The following CCDC15 variants were observed in gnomAD, a reference collection of about 807,000 sequenced individuals.
CCDC15 encodes the protein coiled-coil domain-containing protein 15.
CCDC15 carries 105 observed loss-of-function variants against 114.5 expected under a neutral mutation model. That is an observed-to-expected ratio of 0.92 (90% CI 0.78 to 1.08). The LOEUF is 1.08. Ranked by LOEUF, CCDC15 falls within the 50% of genes least tolerant of loss-of-function variation. The probability of loss-of-function intolerance (pLI) is 0.00; values close to 1 mark genes in which losing one functional copy is unlikely to be tolerated. For synonymous variants in CCDC15, 334 were observed against 377.8 expected (o/e 0.88, Z 1.34); for missense variants, 1,105 against 1,093.6 (o/e 1.01, Z -0.15).
At chr11:124,977,652 C>A in intron 6 of CCDC15, 52 bp downstream of exon 6, 2 of 1,542,492 alleles carry the variant, frequency 1.3e-6, no homozygotes, top group Non-Finnish European at 1.7e-6. Context: ...TTAGAAGTAT[C>A]CACAGCTAAC....
At chr11:125,007,833 G>A (rs952515334) in intron 13 of CCDC15, among the ~76,000 whole-genome samples, 2 of 152,152 alleles carry the variant, frequency 1.3e-5, no homozygotes, top group East Asian at 3.9e-4. Context: ...CCAGGCACCC[G>A]GATGACAAGC....
intron 13 of CCDC15, among the ~76,000 whole-genome samples, chr11:125,023,197 AT>A (rs1359329973): frequency 6.6e-6 from 1 of 151,840 alleles, no homozygotes; most frequent in African/African-American, 2.4e-5. Flanking sequence ...TGTGAGGCTT[AT>A]TTTTTTGTAC....
chr11:125,038,175 C>T (rs1948788763), intron 13 of CCDC15: 2 of 235,192 alleles, frequency 8.5e-6, no homozygotes, highest in Non-Finnish European at 1.6e-5. Flanking sequence ...CTGCTTCGGC[C>T]TCTCAGAGTG....
At chr11:125,036,271 T>C (rs1948773691) in intron 13 of CCDC15, among the ~76,000 whole-genome samples, 1 of 115,254 alleles carries the variant, frequency 8.7e-6, no homozygotes, top group African/African-American at 3.6e-5. Context: ...AAAAGTTCTT[T>C]TTCCTTTGGC....
intron 6 of CCDC15, among the ~76,000 whole-genome samples, chr11:124,986,539 A>G (rs1948158704): frequency 2.6e-5 from 4 of 152,164 alleles, no homozygotes; most frequent in Admixed American, 1.3e-4. Context: ...TTTTCATTAT[A>G]CAGTCCTGCA....
intron 13 of CCDC15, among the ~76,000 whole-genome samples, chr11:125,019,280 A>G (rs879604504): frequency 2.0e-5 from 3 of 152,044 alleles, no homozygotes; most frequent in Non-Finnish European, 2.9e-5. Flanking sequence ...TAATGGATAA[A>G]GTAGTCCTGC....
intron 3 of CCDC15, 90 bp from the exon 4 acceptor site, chr11:124,959,725 T>TTAAAAAAATA: frequency 1.9e-5 from 5 of 264,116 alleles, no homozygotes; most frequent in East Asian, 9.0e-5. Flanking sequence ...CCCACCCCAA[T>TTAAAAAAATA]TTAAAATCTT....
intron 6 of CCDC15, among the ~76,000 whole-genome samples, chr11:124,979,600 A>T (rs1948031255): frequency 6.6e-6 from 1 of 151,958 alleles, no homozygotes; most frequent in South Asian, 2.1e-4. Flanking sequence ...GTTGGTGTAT[A>T]GGAATGCTAC....
intron 13 of CCDC15, among the ~76,000 whole-genome samples, chr11:125,017,920 C>A (rs1948638923): frequency 6.6e-6 from 1 of 151,982 alleles, no homozygotes; most frequent in Admixed American, 6.6e-5. Flanking sequence ...TACAGCTGTA[C>A]AACATGCTTG....
chr11:124,965,464 A>G (rs1947758080), intron 4 of CCDC15, among the ~76,000 whole-genome samples: 1 of 152,082 alleles, frequency 6.6e-6, no homozygotes, highest in Non-Finnish European at 1.5e-5. Context: ...GGTAGTTTGC[A>G]TTTCTGTGGG....
intron 13 of CCDC15, among the ~76,000 whole-genome samples, chr11:125,020,095 A>C (rs1948652311): frequency 6.6e-6 from 1 of 151,930 alleles, no homozygotes; most frequent in African/African-American, 2.4e-5. Context: ...TGGAATTGGG[A>C]GACAAGAGAA....
intron 11 of CCDC15, among the ~76,000 whole-genome samples, chr11:124,995,100 AT>A (rs1565372104): frequency 1.3e-5 from 2 of 152,104 alleles, no homozygotes; most frequent in Non-Finnish European, 2.9e-5. Flanking sequence ...CTACATTGTC[AT>A]TTATACATCC....
intron 6 of CCDC15, among the ~76,000 whole-genome samples, chr11:124,981,888 T>C (rs1948078300): frequency 6.6e-6 from 1 of 152,204 alleles, no homozygotes; most frequent in African/African-American, 2.4e-5. Flanking sequence ...CCCACGGTGC[T>C]GGGATTACAG....
At chr11:125,000,419 A>C (rs1948459125) in intron 11 of CCDC15, among the ~76,000 whole-genome samples, 1 of 152,154 alleles carries the variant, frequency 6.6e-6, no homozygotes, top group African/African-American at 2.4e-5. Flanking sequence ...CACAGAATTA[A>C]GGGGTCCACT....
intron 13 of CCDC15, among the ~76,000 whole-genome samples, chr11:125,024,959 AT>A (rs59444369): frequency 3.5e-5 from 5 of 142,584 alleles, no homozygotes; most frequent in East Asian, 2.0e-4. Context: ...TTTCTTGAGA[AT>A]TTTTTTTATC....
At chr11:124,978,157 C>T (rs1948007334) in intron 6 of CCDC15, among the ~76,000 whole-genome samples, 1 of 152,172 alleles carries the variant, frequency 6.6e-6, no homozygotes, top group African/African-American at 2.4e-5. Flanking sequence ...ATAATGGCCT[C>T]TAGTTTCATA....
chr11:124,968,705 T>C (rs1947827215), intron 4 of CCDC15, among the ~76,000 whole-genome samples: 1 of 145,196 alleles, frequency 6.9e-6, no homozygotes, highest in African/African-American at 2.7e-5. Flanking sequence ...GTAGCTCAGT[T>C]GGAAATGCAG....
intron 4 of CCDC15, among the ~76,000 whole-genome samples, chr11:124,966,967 C>T (rs989273443): frequency 6.6e-6 from 1 of 152,136 alleles, no homozygotes; most frequent in Admixed American, 6.5e-5. Flanking sequence ...AATATTGGCC[C>T]CCACTCTCTT....
intron 4 of CCDC15, among the ~76,000 whole-genome samples, chr11:124,973,245 A>G (rs1052299303): frequency 2.6e-5 from 4 of 152,156 alleles, no homozygotes; most frequent in Non-Finnish European, 4.4e-5. Context: ...CTGAATCCCT[A>G]TTTCAAATTT....
Sources: allele counts gnomAD v4.1 joint callset (sites outside exome capture counted in the v4.1 genomes callset), GRCh38; gene constraint gnomAD v4.1.1; transcripts MANE v1.5; gene names NCBI Gene and HGNC (gene_info 2026-07-23, HGNC 2026-07-21).